The following CIT variants were observed in gnomAD, a reference collection of about 807,000 sequenced individuals.
CIT encodes citron Rho-interacting kinase.
CIT carries 79 observed loss-of-function variants against 272.7 expected under a neutral mutation model. The observed-to-expected ratio is 0.29, with a 90% CI of 0.24 to 0.35. CIT has a LOEUF of 0.35. CIT is among the 10% of genes least tolerant of loss of function. The pLI is 1.00. For synonymous variants in CIT, 948 were observed against 995.6 expected (o/e 0.95, Z 0.90); for missense variants, 1,909 against 2,618.3 (o/e 0.73, Z 5.91).
At chr12:119,785,684 A>G (rs539367565) in intron 10 of CIT, among the ~76,000 whole-genome samples, 9 of 152,124 alleles carry the variant, frequency 5.9e-5, no homozygotes, top group Middle Eastern at 3.4e-3. Context: ...GGTTCAAGCA[A>G]TTCTCCTGCC....
chr12:119,822,705 T>C, intron 9 of CIT, 115 bp downstream of exon 9: 2 of 1,096,868 alleles, frequency 1.8e-6, no homozygotes, highest in Non-Finnish European at 2.6e-6. Flanking sequence ...TGTAGATAAT[T>C]AAAGCCTTTA....
chr12:119,742,221 A>G (rs928616037), intron 24 of CIT, among the ~76,000 whole-genome samples, 190 bp downstream of exon 24: 36 of 152,194 alleles, frequency 2.4e-4, no homozygotes, highest in Non-Finnish European at 8.8e-5. Flanking sequence ...CAGTTTTTGA[A>G]AACTGGAAGA....
chr12:119,704,469 A>G lies in CIT; in HGVS notation c.5212-14T>C. Reference sequence around the variant, plus strand: ...CCCGTTCTCAATCTGAAAAGCAACCAAGAAAAGAAAAAGACTGTCACCAGT... The same window carrying G: ...CCCGTTCTCAATCTGAAAAGCAACCGAGAAAAGAAAAAGACTGTCACCAGT... On this transcript the variant is annotated splice_polypyrimidine_tract_variant and intron_variant, in intron 40 of 47. Coordinates refer to ENST00000392521, the MANE Select transcript of CIT (RefSeq NM_001206999.2). The G allele has an allele frequency of 6.2e-7, 1 of 1,613,096 alleles. No individual in the cohort carries two copies.
chr12:119,859,220 A>G (rs903000226), intron 3 of CIT, among the ~76,000 whole-genome samples: 1 of 152,228 alleles, frequency 6.6e-6, no homozygotes, highest in Non-Finnish European at 1.5e-5. Context: ...TGCAATGCTT[A>G]TAATCAAAAT....
chr12:119,709,703 G>C (rs961935570), intron 39 of CIT, among the ~76,000 whole-genome samples: 1 of 150,996 alleles, frequency 6.6e-6, no homozygotes, highest in Non-Finnish European at 1.5e-5. Flanking sequence ...TCAATCCTTA[G>C]GTTGATATAC....
chr12:119,743,741 T>C (rs1420337850), intron 23 of CIT, among the ~76,000 whole-genome samples: 1 of 152,218 alleles, frequency 6.6e-6, no homozygotes, highest in East Asian at 1.9e-4. Context: ...TATATGACTG[T>C]AATATGCACC....
At position 119,776,424 on chromosome 12, in the gene CIT, C is replaced by T. The variant is rs373390161; in HGVS notation, c.1837-16G>A. 33 of 1,610,494 alleles carry T rather than the reference C, an allele frequency of 2.0e-5. No homozygotes were observed. In the Admixed American group the frequency reaches 4.0e-4, roughly 20 times the overall value. ...GATCCTTAGCCTGTAATTAAAAAGA[C>T]ACAACATATTGGGAAATCTCAACAA... is the stretch of plus-strand genomic sequence containing the variant. On this transcript the variant is annotated splice_polypyrimidine_tract_variant and intron_variant, in intron 14 of 47. Coordinates refer to ENST00000392521, the MANE Select transcript of CIT (RefSeq NM_001206999.2).
intron 10 of CIT, among the ~76,000 whole-genome samples, chr12:119,788,921 TA>T (rs772408132): frequency 1.3e-5 from 2 of 151,862 alleles, no homozygotes; most frequent in African/African-American, 2.4e-5. Context: ...AAATTGCATC[TA>T]AAAAAAAGCT....
intron 42 of CIT, 38 bp from the exon 43 acceptor site, chr12:119,701,790 G>A (rs749175393): frequency 6.8e-6 from 11 of 1,614,248 alleles, no homozygotes; most frequent in African/African-American, 1.3e-5. Flanking sequence ...TCAGGAGTGA[G>A]TTCTGAGTCT....
intron 7 of CIT, among the ~76,000 whole-genome samples, chr12:119,826,500 C>T (rs535573555): frequency 6.6e-6 from 1 of 152,236 alleles, no homozygotes; most frequent in South Asian, 2.1e-4. Context: ...GCTTTCTTCC[C>T]CTCATACCCA....
intron 2 of CIT, among the ~76,000 whole-genome samples, chr12:119,875,640 G>GT (rs1950819445): frequency 6.6e-6 from 1 of 152,068 alleles, no homozygotes; most frequent in South Asian, 2.1e-4. Flanking sequence ...AGAAGACCTT[G>GT]TTTCAAACAA....
chr12:119,734,131 T>A, intron 26 of CIT, 33 bp downstream of exon 26: 3 of 1,607,070 alleles, frequency 1.9e-6, no homozygotes, highest in Non-Finnish European at 1.7e-6. Context: ...TGCGGTCACC[T>A]GTCATGAGCT....
At chr12:119,758,548 C>T (rs1044826134) in intron 21 of CIT, 43 bp downstream of exon 21, 8 of 1,295,700 alleles carry the variant, frequency 6.2e-6, no homozygotes, top group Middle Eastern at 1.9e-4. Flanking sequence ...GGAGAGGAGA[C>T]CAAAGTGTAA....
chr12:119,827,019 C>A (rs191809791), intron 7 of CIT, among the ~76,000 whole-genome samples: 1 of 152,250 alleles, frequency 6.6e-6, no homozygotes. Context: ...CTTCCCTCTC[C>A]TCTCTTTTTA....
intron 9 of CIT, among the ~76,000 whole-genome samples, chr12:119,807,429 T>G (rs10849699): frequency 0.028 from 4,218 of 152,290 alleles, 114 homozygotes; most frequent in East Asian, 0.12. Flanking sequence ...TTCTTGTACC[T>G]TATATAAAAT....
chr12:119,749,900 T>C (rs1331147485), intron 23 of CIT, among the ~76,000 whole-genome samples: 1 of 152,226 alleles, frequency 6.6e-6, no homozygotes, highest in Non-Finnish European at 1.5e-5. Context: ...ACACGTGCTC[T>C]ATTTTATGCC....
chr12:119,767,140 G>T lies in CIT; in HGVS notation c.2251C>A (p.His751Asn). Residue 751 changes from histidine (H) to asparagine (N), a missense_variant, in exon 19 of 48, where the codon CAC becomes AAC. Physicochemically the swap from His to Asn is moderately conservative, Grantham distance 68 (BLOSUM62 1). This residue lies in a region of CIT where 530 missense variants were observed against 822.4 expected (regional missense o/e 0.64). Transcript: ENST00000392521. ...TTCTGTTTCAGGTGCACTTCTAGGT[G>T]CTGGGCTGAGACTTGGGCCTCCCGA... ...KHREAQVSAQ[H>N]LEVHLKQKEQ... 6.2e-7 allele frequency: 1 copy of T among 1,610,748 alleles called. No homozygotes were observed. Among genetic ancestry groups the T allele is most frequent in the Non-Finnish European group, 8.5e-7 (1 of 1,178,402 alleles).
At chr12:119,842,953 G>T (rs1052608068) in intron 5 of CIT, among the ~76,000 whole-genome samples, 1 of 152,172 alleles carries the variant, frequency 6.6e-6, no homozygotes, top group Non-Finnish European at 1.5e-5. Flanking sequence ...GGATGAAGTA[G>T]CCTAGTGGGA....
intron 19 of CIT, among the ~76,000 whole-genome samples, chr12:119,762,244 G>GA (rs35510070): frequency 6.6e-6 from 1 of 151,816 alleles, no homozygotes; most frequent in Non-Finnish European, 1.5e-5. Context: ...ACTGACTGAT[G>GA]AAAAAAAATA....
Sources: allele counts gnomAD v4.1 joint callset (sites outside exome capture counted in the v4.1 genomes callset), GRCh38; gene constraint gnomAD v4.1.1; regional missense constraint gnomAD v4.1.1; transcripts MANE v1.5; gene names NCBI Gene and HGNC (gene_info 2026-07-23, HGNC 2026-07-21).